CDK13: variants seen among roughly 807,000 people sequenced by gnomAD.
CDK13 encodes the protein cyclin dependent kinase 13.
CDK13 carries 40 observed loss-of-function variants against 137.6 expected under a neutral mutation model. The ratio of observed to expected loss-of-function variants is 0.29; its 90% CI spans 0.23 to 0.38. The LOEUF (loss-of-function observed/expected upper bound fraction) is 0.38. CDK13 is among the 10% of genes least tolerant of loss of function. The probability of loss-of-function intolerance (pLI) is 1.00; values close to 1 mark genes in which losing one functional copy is unlikely to be tolerated. For missense variants in CDK13, 1,704 were observed against 1,951.8 expected, an observed-to-expected ratio of 0.87 and a Z score of 2.39; for synonymous variants, 869 against 760.1, an observed-to-expected ratio of 1.14 and a Z score of -2.36.
chr7:40,022,569 A>T (rs1785149659), intron 5 of CDK13, among the ~76,000 whole-genome samples: 1 of 152,154 alleles, frequency 6.6e-6, no homozygotes, highest in Admixed American at 6.5e-5. Context: ...AGGTGTTTGG[A>T]ATAGACAAGG....
Position 40,039,434 on chromosome 7 carries a change from A to ATT in CDK13, c.2354-6380_2354-6379dup, listed in dbSNP as rs976319927. Reference sequence around the variant, plus strand: ...AGGTGCCCACGACCATGCCCGGCTAATTTTTTTTTTTTTTTTTTTTTTTGC... The same window carrying ATT: ...AGGTGCCCACGACCATGCCCGGCTAATTTTTTTTTTTTTTTTTTTTTTTTTGC... On this transcript the variant is annotated intron_variant, in intron 5 of 13. Transcript: ENST00000181839. Among the ~76,000 whole-genome samples the ATT allele has an allele frequency of 7.9e-4, 67 of 84,958 alleles. 1 individual carries two copies. Among genetic ancestry groups the ATT allele is most frequent in the Admixed American group, 1.0e-3 (7 of 6,874 alleles). 55.7% of individuals were successfully genotyped at this position (84,958 alleles called of 152,430 possible). A position where few individuals can be genotyped will look rare whatever the true frequency, so the allele number is the denominator to read the frequency against.
intron 5 of CDK13, among the ~76,000 whole-genome samples, chr7:40,025,667 A>G (rs1474600026): frequency 6.6e-6 from 1 of 152,218 alleles, no homozygotes; most frequent in African/African-American, 2.4e-5. Flanking sequence ...ACACATTTTT[A>G]TAAATAGTGC....
At chr7:40,092,024 A>C (rs1165044631) in intron 12 of CDK13, among the ~76,000 whole-genome samples, 2 of 152,104 alleles carry the variant, frequency 1.3e-5, no homozygotes, top group African/African-American at 2.4e-5. Flanking sequence ...CTGAATCCTT[A>C]TTACTGGTGA....
intron 1 of CDK13, among the ~76,000 whole-genome samples, chr7:39,979,793 A>G (rs1408291975): frequency 6.6e-6 from 1 of 152,118 alleles, no homozygotes; most frequent in African/African-American, 2.4e-5. Context: ...GTGTAATCAC[A>G]AGGATTTTTA....
In CDK13 at chr7:39,950,803, C is replaced by G. The variant is rs1446335439; in HGVS notation, c.162C>G (p.Pro54=). Residue 54 remains proline (P), a synonymous_variant, in exon 1 of 14, where the codon CCC becomes CCG. Transcript: ENST00000181839. ...LQPQLLQPPP[P]PPPLLFLAAP... ...CGCAGCTCCTGCAACCGCCGCCGCC[C>G]CCGCCGCCTCTGCTCTTCCTGGCTG... 1.4e-6 allele frequency: 2 copies of G among 1,460,110 alleles called. No individual in the cohort carries two copies. The highest frequency in any genetic ancestry group is 1.8e-6 in the Non-Finnish European group (2 of 1,113,432). The allele number at this position is 1,460,110 out of a possible 1,614,324, so 90.4% of individuals were successfully genotyped here. A position where few individuals can be genotyped will look rare whatever the true frequency, so the allele number is the denominator to read the frequency against.
intron 2 of CDK13, among the ~76,000 whole-genome samples, chr7:39,992,917 C>T (rs973998971): frequency 6.6e-6 from 1 of 152,060 alleles, no homozygotes; most frequent in Non-Finnish European, 1.5e-5. Flanking sequence ...TACAGGAGGA[C>T]CAAAATATCA....
At chr7:40,058,579 C>CGGGGGGGGGGGGGG (rs199819278) in intron 7 of CDK13, among the ~76,000 whole-genome samples, 1 of 28,512 alleles carries the variant, frequency 3.5e-5, no homozygotes, top group African/African-American at 8.2e-5. Context: ...GCAGGGCGGG[C>CGGGGGGGGGGGGGG]GGGGGGGTGC....
Position 39,950,436 on chromosome 7 carries a change from T to C in CDK13, c.-206T>C. On this transcript the variant is annotated 5_prime_UTR_variant, in exon 1 of 14. Coordinates refer to ENST00000181839, the MANE Select transcript of CDK13 (RefSeq NM_003718.5). Reference sequence around the variant, plus strand: ...TCCGCCGCCCGGATTCCTGCTTCCCTGGGGCCCGGAGGCTGCTGCGTACCC... The same window carrying C: ...TCCGCCGCCCGGATTCCTGCTTCCCCGGGGCCCGGAGGCTGCTGCGTACCC... The C allele has an allele frequency of 1.6e-6, 2 of 1,234,210 alleles. No homozygotes were observed. Among genetic ancestry groups the C allele is most frequent in the Non-Finnish European group, 2.0e-6 (2 of 989,434 alleles). 76.5% of individuals were successfully genotyped at this position (1,234,210 alleles called of 1,614,324 possible). A position where few individuals can be genotyped will look rare whatever the true frequency, so the allele number is the denominator to read the frequency against.
At chr7:39,998,789 C>T (rs996917274) in intron 3 of CDK13, 5 of 151,970 alleles carry the variant, frequency 3.3e-5, no homozygotes, top group African/African-American at 7.3e-5. Flanking sequence ...TTTGTATCTG[C>T]TTAAACGTGG....
Position 40,045,883 on chromosome 7 carries a change from C to G in CDK13, c.2401C>G (p.Leu801Val), listed in dbSNP as rs748758945. ...ATATATGGACCATGATCTGATGGGA[C>G]TACTGGAATCAGGCTTGGTTCATTT... ...FEYMDHDLMG[L>V]LESGLVHFNE... Residue 801 changes from leucine (L) to valine (V), a missense_variant, in exon 6 of 14, where the codon CTA (leucine) becomes GTA (valine). By Grantham distance (32) the Leu-to-Val change is conservative (BLOSUM62 1). Around this residue, in one of 5 missense-constraint regions of CDK13, gnomAD observed 130 missense variants for 362.4 expected, o/e 0.36. Transcript: ENST00000181839. 4 of 1,612,598 alleles carry G rather than the reference C, an allele frequency of 2.5e-6. No individual in the cohort carries two copies. The East Asian group carries it at 6.7e-5, about 27-fold the overall frequency.
rs573793834 is a variant in CDK13 at position 40,011,919 on chromosome 7, C to G, written c.2353+9888C>G. On this transcript the variant is annotated intron_variant, in intron 5 of 13. Transcript: ENST00000181839. ...ACTTGTATCTTAAATGTATAAATAA[C>G]TCTTAGAACTAAATAATGAAAAAAG... Among the ~76,000 whole-genome samples, 6 of 152,164 alleles carry G rather than the reference C, an allele frequency of 3.9e-5. No homozygotes were observed. The South Asian group carries it at 1.2e-3, about 32-fold the overall frequency.
intron 5 of CDK13, among the ~76,000 whole-genome samples, chr7:40,005,455 A>G (rs1401243516): frequency 6.6e-6 from 1 of 151,702 alleles, no homozygotes; most frequent in African/African-American, 2.4e-5. Flanking sequence ...ACACCCATCT[A>G]ATTTTTAATT....
At chr7:40,077,647 G>C (rs1031677805) in intron 9 of CDK13, among the ~76,000 whole-genome samples, 1 of 152,142 alleles carries the variant, frequency 6.6e-6, no homozygotes, top group Non-Finnish European at 1.5e-5. Flanking sequence ...TTGAGAACAG[G>C]GGTTCAAGAC....
intron 7 of CDK13, among the ~76,000 whole-genome samples, chr7:40,059,741 A>G (rs1380912521): frequency 2.6e-5 from 4 of 152,250 alleles, no homozygotes; most frequent in Non-Finnish European, 5.9e-5. Flanking sequence ...CACTTCCTTG[A>G]ATGTAAAAAT....
intron 9 of CDK13, chr7:40,069,421 C>G (rs1786361472): frequency 2.5e-6 from 1 of 403,920 alleles, no homozygotes; most frequent in East Asian, 7.2e-5. Flanking sequence ...CTAATGCCAG[C>G]TCAGCTACTT....
At chr7:40,003,113 TCTGATTGAACATGGTACTTAGACTC>T in intron 5 of CDK13, among the ~76,000 whole-genome samples, 1 of 149,390 alleles carries the variant, frequency 6.7e-6, no homozygotes, top group South Asian at 2.1e-4. Flanking sequence ...GTAGGTATGT[TCTGATTGAACATGGTACTTAGACTC>T]CTGTCTTCCC....
intron 7 of CDK13, 88 bp from the exon 8 acceptor site, chr7:40,062,738 G>T: frequency 3.3e-6 from 3 of 921,794 alleles, no homozygotes; most frequent in Non-Finnish European, 5.3e-6. Context: ...GGATTATAGG[G>T]ATTGCTTTAG....
chr7:40,028,725 C>T (rs1478388738), intron 5 of CDK13, among the ~76,000 whole-genome samples: 1 of 151,904 alleles, frequency 6.6e-6, no homozygotes. Context: ...CTTTTAGGGA[C>T]TTTTTAACTA....
chr7:40,056,877 A>G (rs1196038668), intron 7 of CDK13, among the ~76,000 whole-genome samples: 2 of 152,262 alleles, frequency 1.3e-5, no homozygotes, highest in African/African-American at 4.8e-5. Flanking sequence ...TGGTTAGGAT[A>G]GTCTAAACTT....
Sources: gnomAD v4.1 joint callset for allele counts (sites outside exome capture counted in the v4.1 genomes callset) on GRCh38, gnomAD v4.1.1 for gene constraint, gnomAD v4.1.1 regional missense constraint, MANE v1.5 for transcripts, NCBI Gene and HGNC (gene_info 2026-07-23, HGNC 2026-07-21) for gene names.